The following ADCY8 variants were observed in gnomAD, a reference collection of about 807,000 sequenced individuals.
The protein encoded by ADCY8 is adenylate cyclase 8.
A neutral mutation model predicts 119.7 loss-of-function variants in ADCY8; 51 were observed. The observed-to-expected ratio is 0.43, with a 90% confidence interval of 0.34 to 0.54. The LOEUF (loss-of-function observed/expected upper bound fraction) is 0.54, where lower values mean the gene tolerates loss of function less well. ADCY8 is among the 20% of genes least tolerant of loss of function. ADCY8 has a pLI of 0.03. For missense variants in ADCY8, 1,383 were observed against 1,598.8 expected (o/e 0.87, Z 2.30); for synonymous variants, 665 against 651.0 (o/e 1.02, Z -0.33).
intron 1 of ADCY8, among the ~76,000 whole-genome samples, chr8:131,006,921 G>T (rs1823137319): frequency 6.6e-6 from 1 of 152,056 alleles, no homozygotes; most frequent in Admixed American, 6.5e-5. Context: ...CAATCTTTTA[G>T]AGCCATTCAT....
intron 4 of ADCY8, among the ~76,000 whole-genome samples, chr8:130,938,743 G>A (rs117751952): frequency 0.017 from 2,544 of 152,260 alleles, 44 homozygotes; most frequent in Middle Eastern, 0.11. Flanking sequence ...GTACTTTCCC[G>A]TCAGATTTCT....
At chr8:131,030,298 T>A (rs1823958325) in intron 1 of ADCY8, among the ~76,000 whole-genome samples, 1 of 152,146 alleles carries the variant, frequency 6.6e-6, no homozygotes, top group Non-Finnish European at 1.5e-5. Context: ...CAAATTCAGT[T>A]TGTGATAAGG....
chr8:131,010,323 T>A (rs1289184550), intron 1 of ADCY8, among the ~76,000 whole-genome samples: 1 of 152,202 alleles, frequency 6.6e-6, no homozygotes, highest in Non-Finnish European at 1.5e-5. Context: ...ATGTGCATAA[T>A]AAAATCCAAC....
chr8:131,001,091 CATA>C (rs1045621586), intron 1 of ADCY8, among the ~76,000 whole-genome samples: 19 of 152,198 alleles, frequency 1.2e-4, no homozygotes, highest in African/African-American at 4.6e-4. Context: ...TCAAGCACAC[CATA>C]ATATCTCTAT....
rs1038206547 is a variant in ADCY8, at chr8:130,999,850, C to T, written c.961-9308G>A. Among the ~76,000 whole-genome samples the T allele has an allele frequency of 6.2e-4, 94 of 152,236 alleles. 1 individual carries two copies. Among genetic ancestry groups the T allele is most frequent in the African/African-American group, 2.1e-3 (87 of 41,546 alleles). ...AACATTTAGACAGAAAATAAAGGAA[C>T]GATGTGTTGCAATCCAGTACTGATT... is the stretch of plus-strand genomic sequence containing the variant. On this transcript the variant is annotated intron_variant, in intron 1 of 17. Transcript: ENST00000286355.
At position 130,783,487 on chromosome 8, in the gene ADCY8, A is replaced by G. The variant is rs141844717; in HGVS notation, c.3268+204T>C. 8.1e-3 allele frequency among the ~76,000 whole-genome samples: 1,233 copies of G among 152,346 alleles called. 20 individuals are homozygous for G. Among genetic ancestry groups the G allele is most frequent in the African/African-American group, 0.028 (1,173 of 41,574 alleles). ...TTTGTATTTCTGCACACAAGCCAGT[A>G]TCCTACTCTTGTTTCCAGCATCTTG... On this transcript the variant is annotated intron_variant, in intron 17 of 17. Transcript: ENST00000286355.
rs971081848 is a variant in ADCY8 at position 130,948,943 on chromosome 8, C to T, written c.1241+2925G>A. On this transcript the variant is annotated intron_variant, in intron 3 of 17. Coordinates refer to ENST00000286355, the MANE Select transcript of ADCY8 (RefSeq NM_001115.3). The stretch of plus-strand genomic sequence containing the variant: ...GTTCATCTTCCCGAAACCCCCGGAG[C>T]CGCGGGCATCTCACCACGCTGCTCT... Among the ~76,000 whole-genome samples, 7 of 152,178 alleles carry T rather than the reference C, an allele frequency of 4.6e-5. 1 individual carries two copies. The highest frequency in any genetic ancestry group is 4.1e-4 in the South Asian group (2 of 4,832).
intron 5 of ADCY8, among the ~76,000 whole-genome samples, chr8:130,919,251 G>A (rs1176954419): frequency 1.3e-5 from 2 of 152,168 alleles, no homozygotes; most frequent in South Asian, 2.1e-4. Context: ...CATGTGGAGA[G>A]TGTGGGGAGT....
At chr8:130,926,926 A>G (rs1017235979) in intron 5 of ADCY8, among the ~76,000 whole-genome samples, 1 of 140,376 alleles carries the variant, frequency 7.1e-6, no homozygotes, top group African/African-American at 3.1e-5. Context: ...TTATGGTGTA[A>G]TAGTATTCCA....
At chr8:130,975,128 C>CAT (rs1822032984) in intron 2 of ADCY8, among the ~76,000 whole-genome samples, 1 of 152,156 alleles carries the variant, frequency 6.6e-6, no homozygotes. Flanking sequence ...CTTGTTTAAT[C>CAT]GTGGGAGAGG....
intron 8 of ADCY8, among the ~76,000 whole-genome samples, chr8:130,882,396 C>T (rs1306299302): frequency 6.6e-6 from 1 of 152,096 alleles, no homozygotes; most frequent in Non-Finnish European, 1.5e-5. Context: ...CTCTAGAACC[C>T]TTTCCTACTT....
At chr8:130,824,979 C>G (rs1192884184) in intron 12 of ADCY8, among the ~76,000 whole-genome samples, 1 of 152,196 alleles carries the variant, frequency 6.6e-6, no homozygotes, top group African/African-American at 2.4e-5. Flanking sequence ...AGACAGTGTT[C>G]TTTTGAATTA....
intron 9 of ADCY8, among the ~76,000 whole-genome samples, chr8:130,851,673 T>A (rs2130324891): frequency 6.6e-6 from 1 of 152,198 alleles, no homozygotes; most frequent in East Asian, 1.9e-4. Flanking sequence ...AGTATGATAA[T>A]TGGGGGGTGC....
chr8:130,884,853 A>G (rs1314233695), intron 7 of ADCY8, 92 bp from the exon 8 acceptor site: 1 of 1,204,396 alleles, frequency 8.3e-7, no homozygotes, highest in East Asian at 2.3e-5. Flanking sequence ...TTGCATTGCA[A>G]ACAGTAATAG....
At chr8:130,952,164 G>T (rs1821294777) in intron 2 of ADCY8, among the ~76,000 whole-genome samples, 166 bp from the exon 3 acceptor site, 2 of 152,136 alleles carry the variant, frequency 1.3e-5, no homozygotes, top group South Asian at 2.1e-4. Flanking sequence ...CTTATTATTT[G>T]CCAGGCACTC....
chr8:130,874,035 C>T (rs1039429825), intron 8 of ADCY8, among the ~76,000 whole-genome samples: 13 of 151,746 alleles, frequency 8.6e-5, no homozygotes, highest in East Asian at 3.9e-4. Flanking sequence ...GGGCTGGGAG[C>T]GGTGGCTCAT....
intron 1 of ADCY8, among the ~76,000 whole-genome samples, chr8:131,029,124 C>G (rs1586669009): frequency 6.6e-6 from 1 of 152,344 alleles, no homozygotes; most frequent in East Asian, 1.9e-4. Context: ...ATTAGATTCT[C>G]ATAGGAGTTC....
At chr8:130,807,241 A>T (rs1200051759) in intron 14 of ADCY8, among the ~76,000 whole-genome samples, 1 of 152,220 alleles carries the variant, frequency 6.6e-6, no homozygotes, top group Non-Finnish European at 1.5e-5. Context: ...TGCGTTGCTT[A>T]TACCAAGTTA....
At chr8:130,821,215 A>G (rs555377964) in intron 13 of ADCY8, 127 bp downstream of exon 13, 1 of 677,332 alleles carries the variant, frequency 1.5e-6, no homozygotes, top group Admixed American at 2.8e-5. Flanking sequence ...TTAGGAATTG[A>G]TTCTTTAAGA....
Sources: gnomAD v4.1 joint callset for allele counts (sites outside exome capture counted in the v4.1 genomes callset) on GRCh38, gnomAD v4.1.1 for gene constraint, MANE v1.5 for transcripts, NCBI Gene and HGNC (gene_info 2026-07-23, HGNC 2026-07-21) for gene names.